Variants in SVIL observed in about 807,000 individuals in gnomAD.
SVIL encodes the protein supervillin, also known as archvillin.
A neutral mutation model predicts 240.4 loss-of-function variants in SVIL; 101 were observed. The ratio of observed to expected loss-of-function variants is 0.42; its 90% confidence interval spans 0.36 to 0.50. The LOEUF is 0.50. Ranked by LOEUF, SVIL falls within the 20% of genes least tolerant of loss-of-function variation. The pLI is 0.01. For synonymous variants in SVIL, 999 were observed against 1,100.0 expected, an observed-to-expected ratio of 0.91 and a Z score of 1.82; for missense variants, 2,512 against 2,818.7, an observed-to-expected ratio of 0.89 and a Z score of 2.46.
intron 17 of SVIL, among the ~76,000 whole-genome samples, chr10:29,504,159 A>G (rs1273989292): frequency 6.6e-6 from 1 of 152,252 alleles, no homozygotes; most frequent in Non-Finnish European, 1.5e-5. Context: ...AAAAAACTAG[A>G]TACAAATTTT....
At chr10:29,734,282 G>T (rs1964774959) in intron 1 of SVIL, among the ~76,000 whole-genome samples, 1 of 152,164 alleles carries the variant, frequency 6.6e-6, no homozygotes, top group Non-Finnish European at 1.5e-5. Flanking sequence ...ATTAACACAA[G>T]CCAGAGATAG....
In SVIL at chr10:29,468,212, T is replaced by G. The variant is rs561433327; in HGVS notation, c.5844-337A>C. Among the ~76,000 whole-genome samples, 8 of 152,344 alleles carry G rather than the reference T, an allele frequency of 5.3e-5. No individual in the cohort carries two copies. In the East Asian group the frequency reaches 1.2e-3, roughly 22 times the overall value. On this transcript the variant is annotated intron_variant, in intron 32 of 37. Transcript: ENST00000355867. ...TTTTGGACATTTCATACAGATGGAA[T>G]TATATAATATATGTTCCTTTGTGAC...
upstream of SVIL, among the ~76,000 whole-genome samples, chr10:29,736,519 G>A (rs1048599376): frequency 6.6e-6 from 1 of 152,116 alleles, no homozygotes. Flanking sequence ...TGTCGCCCGA[G>A]TGAACTCTTC....
chr10:29,646,465 T>G (rs1479731568), intron 3 of SVIL, among the ~76,000 whole-genome samples: 1 of 152,190 alleles, frequency 6.6e-6, no homozygotes, highest in Non-Finnish European at 1.5e-5. Flanking sequence ...CTGGCCCGTA[T>G]GGTAAGCTAA....
chr10:29,502,752 A>T (rs1948999805), intron 17 of SVIL, among the ~76,000 whole-genome samples: 1 of 152,084 alleles, frequency 6.6e-6, no homozygotes, highest in Non-Finnish European at 1.5e-5. Flanking sequence ...TGTCTTAGGG[A>T]TGGTCAGATA....
At chr10:29,530,704 T>C (rs2132558622) in intron 10 of SVIL, 36 bp from the exon 11 acceptor site, 1 of 1,613,056 alleles carries the variant, frequency 6.2e-7, no homozygotes, top group East Asian at 2.2e-5. Flanking sequence ...TGGACATCAT[T>C]AGAGAAGGTT....
intron 30 of SVIL, chr10:29,473,596 T>G: frequency 1.8e-6 from 1 of 558,086 alleles, no homozygotes; most frequent in Non-Finnish European, 3.1e-6. Context: ...GCACTTGTCA[T>G]GTGGATTTCC....
chr10:29,688,357 T>A (rs1186641586), intron 1 of SVIL, among the ~76,000 whole-genome samples: 1 of 152,184 alleles, frequency 6.6e-6, no homozygotes, highest in Non-Finnish European at 1.5e-5. Flanking sequence ...TCCCAGGTGA[T>A]CAGATGCTCC....
intron 3 of SVIL, among the ~76,000 whole-genome samples, chr10:29,557,766 C>G (rs1954073378): frequency 6.6e-6 from 1 of 152,148 alleles, no homozygotes; most frequent in Admixed American, 6.5e-5. Context: ...GTGAACACTG[C>G]CCTCTGATAG....
At chr10:29,685,316 T>C (rs961773146) in intron 2 of SVIL, among the ~76,000 whole-genome samples, 2 of 152,250 alleles carry the variant, frequency 1.3e-5, no homozygotes, top group Admixed American at 1.3e-4. Context: ...TTATCTAGTC[T>C]ACTACCATTG....
intron 3 of SVIL, among the ~76,000 whole-genome samples, chr10:29,643,610 A>C (rs1958558543): frequency 6.6e-6 from 1 of 152,178 alleles, no homozygotes. Context: ...ATTTTCAGTT[A>C]ATATTTTTCA....
At chr10:29,498,922 A>G (rs1201834106) in intron 18 of SVIL, among the ~76,000 whole-genome samples, 194 bp downstream of exon 18, 1 of 152,234 alleles carries the variant, frequency 6.6e-6, no homozygotes, top group Non-Finnish European at 1.5e-5. Context: ...TCGAGGCTGC[A>G]GTGAGCCATG....
intron 1 of SVIL, among the ~76,000 whole-genome samples, chr10:29,713,524 G>A (rs1434132749): frequency 6.6e-6 from 1 of 152,120 alleles, no homozygotes; most frequent in East Asian, 1.9e-4. Context: ...GTGTGTAGGA[G>A]TCAGCAAATT....
At position 29,530,635 on chromosome 10, in the gene SVIL, C is replaced by T. The variant is rs775615355; in HGVS notation, c.2078G>A (p.Ser693Asn). Residue 693 changes from serine to asparagine, a missense_variant, in exon 11 of 38, where the codon AGC becomes AAC. Transcript: ENST00000355867. ...GAAAAGCAACCTCTTGGCGGCGACG[C>T]TCAGCTTGGCTCGTTCATCCACCTT... ...EEKVDERAKLSVAAKRLLFRE... is the reference protein window; with the variant it reads ...EEKVDERAKLNVAAKRLLFRE... 2.5e-6 allele frequency: 4 copies of T among 1,614,178 alleles called. No individual in the cohort carries two copies. Among genetic ancestry groups the T allele is most frequent in the South Asian group, 1.1e-5 (1 of 91,086 alleles).
At position 29,463,372 on chromosome 10, in the gene SVIL, A is replaced by C. The variant is rs1944495107; in HGVS notation, c.6277+120T>G. The C allele has an allele frequency of 9.0e-6, 12 of 1,339,112 alleles. 1 individual carries two copies. In the South Asian group the frequency reaches 2.1e-4, roughly 23 times the overall value. 83.0% of individuals were successfully genotyped at this position (1,339,112 alleles called of 1,614,324 possible). A position where few individuals can be genotyped will look rare whatever the true frequency, so the allele number is the denominator to read the frequency against. ...AAAATTGGTTTCATCACCACCTGCC[A>C]GGCTTTATGGATGGATGCTGGCTGA... is the stretch of plus-strand genomic sequence containing the variant. On this transcript the variant is annotated intron_variant, in intron 35 of 37. Transcript: ENST00000355867.
At chr10:29,575,591 A>C (rs1955655986) in intron 1 of SVIL, among the ~76,000 whole-genome samples, 1 of 152,148 alleles carries the variant, frequency 6.6e-6, no homozygotes, top group Non-Finnish European at 1.5e-5. Context: ...TGGCACTAAG[A>C]CCCTTGCTCT....
In SVIL at chr10:29,484,983, T is replaced by G; in HGVS notation, c.4780-152A>C. On this transcript the variant is annotated intron_variant, in intron 26 of 37. Transcript: ENST00000355867. This position sits in a 1 kb window ranked among gnomAD's most constrained non-coding sequence, Gnocchi z 4.7. ...ACACAGACACAAAAAGGCCAGGAGA[T>G]CTCAGCTGGCACTGCCCCACCGAGC... 8.4e-5 allele frequency: 63 copies of G among 753,198 alleles called. No homozygotes were observed. Among genetic ancestry groups the G allele is most frequent in the Non-Finnish European group, 1.2e-4 (58 of 490,512 alleles). 46.7% of individuals were successfully genotyped at this position (753,198 alleles called of 1,614,324 possible).
chr10:29,521,289 G>C (rs767539046), intron 16 of SVIL, among the ~76,000 whole-genome samples: 2 of 151,820 alleles, frequency 1.3e-5, no homozygotes, highest in Non-Finnish European at 2.9e-5. Flanking sequence ...TTGTGGTTTA[G>C]TATAGTCTTA....
chr10:29,694,273 C>T (rs1051594095), intron 1 of SVIL, among the ~76,000 whole-genome samples: 2 of 150,220 alleles, frequency 1.3e-5, no homozygotes, highest in South Asian at 2.1e-4. Flanking sequence ...ATTAGCCAGG[C>T]ATGGTAGCAC....
Sources: gnomAD v4.1 joint callset for allele counts (sites outside exome capture counted in the v4.1 genomes callset) on GRCh38, gnomAD v4.1.1 for gene constraint, Gnocchi (gnomAD v3.1) non-coding constraint, MANE v1.5 for transcripts, NCBI Gene and HGNC (gene_info 2026-07-23, HGNC 2026-07-21) for gene names.